Variants in PRRC2C observed in about 807,000 individuals in gnomAD.
PRRC2C encodes protein PRRC2C.
A neutral mutation model predicts 317.2 loss-of-function variants in PRRC2C; 72 were observed. The observed-to-expected ratio is 0.23, with a 90% confidence interval of 0.19 to 0.28. The LOEUF is 0.28. Ranked by LOEUF, PRRC2C falls within the 10% of genes least tolerant of loss-of-function variation. The probability of loss-of-function intolerance (pLI) is 1.00; values close to 1 mark genes in which losing one functional copy is unlikely to be tolerated. For missense variants in PRRC2C, 3,074 were observed against 3,459.7 expected (o/e 0.89, Z 2.80); for synonymous variants, 1,296 against 1,205.9 (o/e 1.07, Z -1.55).
At chr1:171,576,630 T>C (rs1399020421) in intron 25 of PRRC2C, among the ~76,000 whole-genome samples, 1 of 152,212 alleles carries the variant, frequency 6.6e-6, no homozygotes, top group African/African-American at 2.4e-5. Flanking sequence ...GGTATTACTA[T>C]ATACCAGGTG....
Position 171,541,769 on chromosome 1 carries a change from A to G in PRRC2C, c.4303A>G (p.Lys1435Glu). Residue 1435 changes from lysine to glutamate, a missense_variant, in exon 16 of 35, where the codon AAG becomes GAG. Around this residue, in one of 11 missense-constraint regions of PRRC2C, gnomAD observed 1,320 missense variants for 1,395.7 expected, o/e 0.95. Transcript: ENST00000647382. The surrounding 1 kb of genome is among the most constrained non-coding windows in gnomAD (Gnocchi z 4.1). ...QRPTRPPRQDKPPRFRRLRER... is the reference protein window; with the variant it reads ...QRPTRPPRQDEPPRFRRLRER... ...TCCTACTCGACCACCAAGGCAAGAC[A>G]AGCCACCTCGATTTAGACGGCTAAG... The G allele has an allele frequency of 6.2e-7, 1 of 1,613,994 alleles. No homozygotes were observed. Among genetic ancestry groups the G allele is most frequent in the Non-Finnish European group, 8.5e-7 (1 of 1,179,884 alleles).
At chr1:171,581,213 G>C (rs757250919) in intron 28 of PRRC2C, among the ~76,000 whole-genome samples, 10 of 152,134 alleles carry the variant, frequency 6.6e-5, no homozygotes, top group Non-Finnish European at 1.5e-4. Flanking sequence ...AGGAAGTCTT[G>C]TATTGAATTT....
At chr1:171,510,955 T>G (rs2102237548) in intron 1 of PRRC2C, 1 of 152,322 alleles carries the variant, frequency 6.6e-6, no homozygotes, top group East Asian at 1.9e-4. Flanking sequence ...TTGGGTGGCA[T>G]TTTACATGCA....
In PRRC2C at chr1:171,540,828, T is replaced by G; in HGVS notation, c.3362T>G (p.Val1121Gly). The G allele has an allele frequency of 1.2e-6, 2 of 1,613,706 alleles. No individual in the cohort carries two copies. Among genetic ancestry groups the G allele is most frequent in the Non-Finnish European group, 1.7e-6 (2 of 1,179,806 alleles). The change falls in exon 16 of 35, where the codon GTT becomes GGT. Residue 1121 changes from valine to glycine, a missense_variant. By Grantham distance (109) the Val-to-Gly change is moderately radical (BLOSUM62 -3). Transcript: ENST00000647382. ...AGTACTGTTCAGGTAGAGCCTGCAG[T>G]TAAGACTGTAAACCAACAGACTATG... ...PVSTVQVEPA[V>G]KTVNQQTMAA...
intron 7 of PRRC2C, chr1:171,522,535 C>G (rs991213469): frequency 1.0e-5 from 2 of 190,830 alleles, no homozygotes; most frequent in Admixed American, 1.2e-4. Flanking sequence ...TTTGGAAGGC[C>G]GAGGTGGGCG....
chr1:171,517,877 G>A (rs1040577556), intron 6 of PRRC2C, 63 bp downstream of exon 6: 15 of 1,415,444 alleles, frequency 1.1e-5, no homozygotes, highest in African/African-American at 1.4e-5. Flanking sequence ...TCCAAGGAGC[G>A]AATTGTTATA....
intron 1 of PRRC2C, among the ~76,000 whole-genome samples, chr1:171,488,507 A>G (rs537876370): frequency 2.0e-5 from 3 of 152,326 alleles, no homozygotes; most frequent in Admixed American, 1.3e-4. Flanking sequence ...TAAATTTTCT[A>G]TTTAAGAGAC....
Position 171,540,449 on chromosome 1 carries a change from T to C in PRRC2C, c.2983T>C (p.Trp995Arg). Residue 995 changes from tryptophan (W) to arginine (R), a missense_variant, in exon 16 of 35, where the codon TGG becomes CGG. Coordinates refer to ENST00000647382, the MANE Select transcript of PRRC2C (RefSeq NM_001387844.1). ...ATATAAATCTAAATCAGAAACTCGT[T>C]GGGGCCCACGACCAAGCTCTAACAG... is the stretch of plus-strand genomic sequence containing the variant. ...KVYKSKSETR[W>R]GPRPSSNRRE... 1 of 1,613,210 alleles carries C rather than the reference T, an allele frequency of 6.2e-7. No homozygotes were observed. The highest frequency in any genetic ancestry group is 8.5e-7 in the Non-Finnish European group (1 of 1,179,600).
chr1:171,506,004 A>G (rs572772536), intron 1 of PRRC2C, among the ~76,000 whole-genome samples: 2 of 152,342 alleles, frequency 1.3e-5, no homozygotes, highest in South Asian at 2.1e-4. Flanking sequence ...AGACTATACC[A>G]TATAGCCTTG....
At position 171,545,564 on chromosome 1, in the gene PRRC2C, G is replaced by A. The variant is rs1210037633; in HGVS notation, c.4849G>A (p.Gly1617Ser). 3 of 1,604,984 alleles carry A rather than the reference G, an allele frequency of 1.9e-6. No individual in the cohort carries two copies. Among genetic ancestry groups the A allele is most frequent in the Admixed American group, 1.7e-5 (1 of 58,900 alleles). The change falls in exon 17 of 35, where the codon GGT (glycine) becomes AGT (serine). Residue 1617 changes from glycine (G) to serine (S), a missense_variant. Around this residue, in one of 11 missense-constraint regions of PRRC2C, gnomAD observed 178 missense variants for 163.0 expected, o/e 1.09. Transcript: ENST00000647382. ...SAHHQEGVPN[G>S]TGQKNSKDST... ...ACACCATCAGGAAGGAGTACCTAAT[G>A]GTACAGGACAAAAGAACTCCAAAGA...
In PRRC2C at chr1:171,591,882, G is replaced by A. The variant is rs1312725278; in HGVS notation, c.*35G>A. ...TTTATTGCAGGGGATTGGGAGGGGG[G>A]CGGGAAAACATGGAGAATTAAGTCA... On this transcript the variant is annotated 3_prime_UTR_variant, in exon 35 of 35. Coordinates refer to ENST00000647382, the MANE Select transcript of PRRC2C (RefSeq NM_001387844.1). The A allele has an allele frequency of 3.0e-5, 16 of 536,398 alleles. 1 individual carries two copies. Among genetic ancestry groups the A allele is most frequent in the Non-Finnish European group, 4.3e-5 (13 of 305,124 alleles). 33.2% of individuals were successfully genotyped at this position (536,398 alleles called of 1,614,324 possible).
intron 1 of PRRC2C, among the ~76,000 whole-genome samples, chr1:171,496,811 G>GTGT (rs1553202051): frequency 7.1e-6 from 1 of 141,784 alleles, no homozygotes; most frequent in African/African-American, 2.5e-5. Flanking sequence ...GTGTGTGTGT[G>GTGT]TTTTGTTTTG....
At chr1:171,545,303 C>T (rs1429496154) in intron 16 of PRRC2C, among the ~76,000 whole-genome samples, 176 bp from the exon 17 acceptor site, 2 of 152,126 alleles carry the variant, frequency 1.3e-5, no homozygotes, top group Non-Finnish European at 2.9e-5. Flanking sequence ...TTGGGAAACC[C>T]GGTTTTAGTA....
At chr1:171,587,579 G>C (rs1271679411) in intron 31 of PRRC2C, 69 bp from the exon 32 acceptor site, 1 of 1,080,196 alleles carries the variant, frequency 9.3e-7, no homozygotes, top group East Asian at 2.5e-5. Flanking sequence ...TCACGTATAG[G>C]ACATGTAAAC....
chr1:171,573,734 A>G (rs1572086356), intron 24 of PRRC2C, among the ~76,000 whole-genome samples: 1 of 122,528 alleles, frequency 8.2e-6, no homozygotes, highest in South Asian at 2.7e-4. Flanking sequence ...GCTGGAGTGC[A>G]GTGGCGCTAT....
At chr1:171,546,246 G>A (rs1023052166) in intron 17 of PRRC2C, among the ~76,000 whole-genome samples, 2 of 152,166 alleles carry the variant, frequency 1.3e-5, no homozygotes, top group African/African-American at 4.8e-5. Flanking sequence ...AGAAAAAACA[G>A]ACAAGGAATA....
chr1:171,506,573 T>G (rs1346706676), intron 1 of PRRC2C, among the ~76,000 whole-genome samples: 1 of 150,598 alleles, frequency 6.6e-6, no homozygotes, highest in Non-Finnish European at 1.5e-5. Context: ...TTAGGCTGTT[T>G]GAAGTTGTCT....
intron 33 of PRRC2C, 61 bp from the exon 34 acceptor site, chr1:171,589,308 G>GTTTTTT: frequency 1.7e-4 from 77 of 445,686 alleles, no homozygotes; most frequent in East Asian, 6.0e-4. Flanking sequence ...CTAGTTGGCA[G>GTTTTTT]TTTTTTTTTT....
chr1:171,571,185 C>CT (rs977482281), intron 23 of PRRC2C, 135 bp from the exon 24 acceptor site: 63 of 570,852 alleles, frequency 1.1e-4, no homozygotes, highest in African/African-American at 1.1e-3. Flanking sequence ...CAATGTGACT[C>CT]TTAAGTAATC....
Sources: allele counts gnomAD v4.1 joint callset (sites outside exome capture counted in the v4.1 genomes callset), GRCh38; gene constraint gnomAD v4.1.1; regional missense constraint gnomAD v4.1.1; non-coding constraint Gnocchi (gnomAD v3.1); transcripts MANE v1.5; gene names NCBI Gene and HGNC (gene_info 2026-07-23, HGNC 2026-07-21).